Variants in DLG2 observed in about 807,000 individuals in gnomAD.
The protein encoded by DLG2 is disks large homolog 2.
Under a neutral mutation model 132.5 loss-of-function variants are expected in DLG2, and 45 were observed. That is an observed-to-expected ratio of 0.34 (90% confidence interval 0.27 to 0.44). The LOEUF is 0.44. Among genes scored for constraint, DLG2 ranks in the 20% least tolerant of loss-of-function variants. DLG2 has a pLI of 1.00. For missense variants in DLG2, 1,045 were observed against 1,196.9 expected (o/e 0.87, Z 1.87); for synonymous variants, 424 against 419.6 (o/e 1.01, Z -0.13).
chr11:84,151,353 C>A (rs559977108), intron 9 of DLG2, among the ~76,000 whole-genome samples: 1 of 152,194 alleles, frequency 6.6e-6, no homozygotes, highest in South Asian at 2.1e-4. Context: ...GTGATCACAA[C>A]AGTCTCTGAG....
At chr11:84,280,985 T>C (rs1044916859) in intron 7 of DLG2, among the ~76,000 whole-genome samples, 3 of 148,178 alleles carry the variant, frequency 2.0e-5, no homozygotes, top group Non-Finnish European at 4.4e-5. Context: ...CCTCCCAAAG[T>C]GCTGGGATTA....
At chr11:84,483,704 C>G (rs187390627) in intron 7 of DLG2, among the ~76,000 whole-genome samples, 38 of 152,210 alleles carry the variant, frequency 2.5e-4, no homozygotes, top group African/African-American at 7.7e-4. Context: ...CAGTTAGGTA[C>G]TTTTGAATTG....
intron 4 of DLG2, among the ~76,000 whole-genome samples, chr11:85,277,180 A>G (rs184073441): frequency 2.6e-5 from 4 of 152,290 alleles, no homozygotes; most frequent in Admixed American, 2.0e-4. Context: ...ATGAAGATCA[A>G]TAAATAGTTT....
intron 7 of DLG2, among the ~76,000 whole-genome samples, chr11:84,533,623 T>G (rs1426814855): frequency 6.6e-6 from 1 of 152,136 alleles, no homozygotes; most frequent in Non-Finnish European, 1.5e-5. Context: ...TCTTAGATGT[T>G]TTTGCAGGTA....
At chr11:83,987,327 A>G (rs2154179735) in intron 11 of DLG2, among the ~76,000 whole-genome samples, 1 of 152,256 alleles carries the variant, frequency 6.6e-6, no homozygotes, top group South Asian at 2.1e-4. Context: ...GACTTTCTTC[A>G]CAGAATTGGA....
At chr11:84,952,393 TGTAGTCCCAGCTACTCG>T (rs1422905537) in intron 6 of DLG2, among the ~76,000 whole-genome samples, 3 of 151,986 alleles carry the variant, frequency 2.0e-5, no homozygotes, top group Non-Finnish European at 4.4e-5. Context: ...GGCGGGCGCC[TGTAGTCCCAGCTACTCG>T]GGAGGCTGAG....
intron 7 of DLG2, among the ~76,000 whole-genome samples, chr11:84,381,054 G>T (rs1325860420): frequency 2.0e-5 from 3 of 151,860 alleles, no homozygotes; most frequent in African/African-American, 7.3e-5. Context: ...GACATATCAA[G>T]ATAGGTAACA....
At chr11:84,398,273 T>C (rs1328386643) in intron 7 of DLG2, among the ~76,000 whole-genome samples, 1 of 151,550 alleles carries the variant, frequency 6.6e-6, no homozygotes, top group Non-Finnish European at 1.5e-5. Context: ...AAAAAGGGAG[T>C]GTGTGGACAG....
At chr11:84,694,220 T>C (rs2058372513) in intron 6 of DLG2, among the ~76,000 whole-genome samples, 2 of 151,666 alleles carry the variant, frequency 1.3e-5, no homozygotes, top group South Asian at 4.1e-4. Context: ...TTGTGTCTTC[T>C]CATCAAGAAA....
At chr11:84,071,384 C>T (rs1050149905) in intron 10 of DLG2, among the ~76,000 whole-genome samples, 2 of 152,020 alleles carry the variant, frequency 1.3e-5, no homozygotes, top group East Asian at 1.9e-4. Flanking sequence ...GGATTACAGG[C>T]GCGAGCTACC....
intron 7 of DLG2, among the ~76,000 whole-genome samples, chr11:84,300,345 CT>C (rs2098138076): frequency 6.6e-6 from 1 of 151,998 alleles, no homozygotes; most frequent in African/African-American, 2.4e-5. Context: ...ATCTTGCTCA[CT>C]TATATCAGGG....
intron 3 of DLG2, among the ~76,000 whole-genome samples, chr11:85,386,700 A>T (rs1383463493): frequency 6.6e-6 from 1 of 151,970 alleles, no homozygotes; most frequent in Non-Finnish European, 1.5e-5. Context: ...TATATCCTTT[A>T]AAAGAAAGGA....
At chr11:85,017,159 A>G (rs1023595362) in intron 6 of DLG2, among the ~76,000 whole-genome samples, 2 of 152,108 alleles carry the variant, frequency 1.3e-5, no homozygotes, top group Non-Finnish European at 2.9e-5. Flanking sequence ...GATTTATATC[A>G]TTGACATCTT....
intron 10 of DLG2, among the ~76,000 whole-genome samples, chr11:84,089,522 C>A (rs867386135): frequency 6.6e-6 from 1 of 152,130 alleles, no homozygotes; most frequent in Non-Finnish European, 1.5e-5. Flanking sequence ...CAAAGGACAA[C>A]GTTGTTGTTT....
At position 83,480,729 on chromosome 11, in the gene DLG2, A is replaced by C. The variant is rs80187839; in HGVS notation, c.2293+3400T>G. ...ACCCATTCATATACCTCTGACTTTC[A>C]AGATTTATGTGACAATGACTAGTAT... On this transcript the variant is annotated intron_variant, in intron 22 of 27. Coordinates refer to ENST00000376104, the MANE Select transcript of DLG2 (RefSeq NM_001142699.3). 2.6e-5 allele frequency: 26 copies of C among 1,017,576 alleles called. No homozygotes were observed. The East Asian group carries it at 6.7e-4, about 26-fold the overall frequency. The allele number at this position is 1,017,576 out of a possible 1,614,324, so 63.0% of individuals were successfully genotyped here. A position where few individuals can be genotyped will look rare whatever the true frequency, so the allele number is the denominator to read the frequency against.
chr11:83,828,063 C>T (rs1371224487), intron 17 of DLG2, among the ~76,000 whole-genome samples: 1 of 151,974 alleles, frequency 6.6e-6, no homozygotes, highest in Admixed American at 6.6e-5. Flanking sequence ...AGGGGTAGGC[C>T]TGGAAAAAAA....
intron 6 of DLG2, chr11:84,763,345 G>C (rs1037517525): frequency 1.3e-5 from 2 of 152,082 alleles, no homozygotes; most frequent in African/African-American, 4.8e-5. Flanking sequence ...TAATCAGGCT[G>C]GAAGTGTATC....
At chr11:85,271,646 T>C (rs1002690631) in intron 4 of DLG2, among the ~76,000 whole-genome samples, 2 of 152,232 alleles carry the variant, frequency 1.3e-5, no homozygotes, top group African/African-American at 2.4e-5. Context: ...AGCTCTTGCA[T>C]AGCATGACCT....
chr11:84,510,535 A>G (rs1449076676), intron 7 of DLG2, among the ~76,000 whole-genome samples: 2 of 152,198 alleles, frequency 1.3e-5, no homozygotes, highest in South Asian at 2.1e-4. Context: ...TAAGTAATAT[A>G]GTTTATTTTT....
Sources: allele counts gnomAD v4.1 joint callset (sites outside exome capture counted in the v4.1 genomes callset), GRCh38; gene constraint gnomAD v4.1.1; transcripts MANE v1.5; gene names NCBI Gene and HGNC (gene_info 2026-07-23, HGNC 2026-07-21).